Variants in RYR3 observed in about 807,000 individuals in gnomAD.
RYR3 encodes ryanodine receptor 3, also known as brain ryanodine receptor-calcium release channel.
A neutral mutation model predicts 584.3 loss-of-function variants in RYR3; 207 were observed. The observed-to-expected ratio is 0.35, with a 90% CI of 0.32 to 0.40. RYR3 has a LOEUF of 0.40. RYR3 is among the 10% of genes least tolerant of loss of function. The pLI is 1.00. For missense variants in RYR3, 5,616 were observed against 6,089.2 expected, an observed-to-expected ratio of 0.92 and a Z score of 2.59; for synonymous variants, 2,416 against 2,248.5, an observed-to-expected ratio of 1.07 and a Z score of -2.11.
chr15:33,853,821 T>G, intron 96 of RYR3, 139 bp downstream of exon 96: 1 of 1,072,690 alleles, frequency 9.3e-7, no homozygotes, highest in African/African-American at 1.6e-5. Context: ...GTTCTAACAC[T>G]GGGAGAGCAC....
chr15:33,469,291 C>T (rs746958469), intron 1 of RYR3, among the ~76,000 whole-genome samples: 4 of 152,034 alleles, frequency 2.6e-5, no homozygotes, highest in South Asian at 2.1e-4. Context: ...GGAAACCCAA[C>T]GCTACAGGGA....
intron 36 of RYR3, among the ~76,000 whole-genome samples, chr15:33,667,890 C>A (rs1035256427): frequency 6.6e-6 from 1 of 151,914 alleles, no homozygotes. Context: ...GGTGAAACCC[C>A]ATCTCTACTA....
intron 99 of RYR3, 79 bp from the exon 100 acceptor site, chr15:33,859,496 A>G (rs2080107457): frequency 6.5e-7 from 1 of 1,531,108 alleles, no homozygotes; most frequent in African/African-American, 1.4e-5. Context: ...ATCTGACCGA[A>G]TCATATGAAT....
chr15:33,819,930 C>T (rs1301295761), intron 77 of RYR3, 123 bp downstream of exon 77: 1 of 628,340 alleles, frequency 1.6e-6, no homozygotes, highest in East Asian at 3.1e-5. Context: ...AGGTTTCAGG[C>T]ATTGCACAAT....
intron 21 of RYR3, 149 bp downstream of exon 21, chr15:33,628,724 TC>T (rs34022625): frequency 0.31 from 179,577 of 574,896 alleles, 32,759 homozygotes; most frequent in Non-Finnish European, 0.38. Context: ...CAGAAGTGTC[TC>T]CCCTTTCTTA....
intron 102 of RYR3, among the ~76,000 whole-genome samples, chr15:33,861,457 T>A (rs1476926268): frequency 6.6e-6 from 1 of 150,978 alleles, no homozygotes; most frequent in Non-Finnish European, 1.5e-5. Flanking sequence ...CTACTGGACT[T>A]CTTCTATCAC....
At chr15:33,444,371 T>C (rs2046451920) in intron 1 of RYR3, among the ~76,000 whole-genome samples, 1 of 152,210 alleles carries the variant, frequency 6.6e-6, no homozygotes, top group Non-Finnish European at 1.5e-5. Context: ...CATTTATTGT[T>C]TTCAGAGAAA....
At position 33,769,094 on chromosome 15, in the gene RYR3, T is replaced by C; in HGVS notation, c.8756-18T>C. 11 of 1,601,074 alleles carry C rather than the reference T, an allele frequency of 6.9e-6. No individual in the cohort carries two copies. Among genetic ancestry groups the C allele is most frequent in the Non-Finnish European group, 9.4e-6 (11 of 1,168,168 alleles). ...CTGAGTGGTTTGAGGGAATCACAGA[T>C]GATTTTTTTTATTCCAGGTAGTGAT... On this transcript the variant is annotated intron_variant, in intron 61 of 103. Coordinates refer to ENST00000634891, the MANE Select transcript of RYR3 (RefSeq NM_001036.6).
chr15:33,575,917 A>G (rs968922962), intron 12 of RYR3, among the ~76,000 whole-genome samples: 2 of 152,192 alleles, frequency 1.3e-5, no homozygotes, highest in South Asian at 2.1e-4. Flanking sequence ...ATAAAAAATG[A>G]TAAAGGGGAT....
In RYR3 at chr15:33,628,595, G is replaced by A. The variant is rs2061115558; in HGVS notation, c.2679+20G>A. 2 of 1,502,544 alleles carry A rather than the reference G, an allele frequency of 1.3e-6. No individual in the cohort carries two copies. The highest frequency in any genetic ancestry group is 4.5e-5 in the East Asian group (2 of 44,302). 93.1% of individuals were successfully genotyped at this position (1,502,544 alleles called of 1,614,324 possible). A position where few individuals can be genotyped will look rare whatever the true frequency, so the allele number is the denominator to read the frequency against. On this transcript the variant is annotated intron_variant, in intron 21 of 103. Coordinates refer to ENST00000634891, the MANE Select transcript of RYR3 (RefSeq NM_001036.6). Reference sequence around the variant, plus strand: ...GGCAAGGTATGTGTCTCAGGGCCAGGTTAGGGTGGAGGGTGGGATTGCCTT... The same window carrying A: ...GGCAAGGTATGTGTCTCAGGGCCAGATTAGGGTGGAGGGTGGGATTGCCTT...
At chr15:33,502,902 C>G (rs2052124251) in intron 2 of RYR3, among the ~76,000 whole-genome samples, 1 of 152,122 alleles carries the variant, frequency 6.6e-6, no homozygotes. Flanking sequence ...ATGAGTTAAC[C>G]TATGCAAAGC....
intron 36 of RYR3, among the ~76,000 whole-genome samples, chr15:33,664,451 C>A (rs1266526056): frequency 6.6e-6 from 1 of 151,862 alleles, no homozygotes; most frequent in Non-Finnish European, 1.5e-5. Context: ...TTAGACCTTG[C>A]AGATGGGTTG....
At chr15:33,404,876 G>A (rs980002525) in intron 1 of RYR3, among the ~76,000 whole-genome samples, 11 of 151,930 alleles carry the variant, frequency 7.2e-5, no homozygotes, top group African/African-American at 2.7e-4. Flanking sequence ...AAGTATTTTA[G>A]GGGCTGTCTG....
At chr15:33,722,995 T>C (rs1283984013) in intron 44 of RYR3, 100 bp downstream of exon 44, 7 of 1,061,566 alleles carry the variant, frequency 6.6e-6, no homozygotes, top group African/African-American at 3.2e-5. Context: ...AAAGCACATG[T>C]TCTTAACAGT....
intron 1 of RYR3, among the ~76,000 whole-genome samples, chr15:33,420,823 T>G (rs983726776): frequency 6.6e-6 from 1 of 152,162 alleles, no homozygotes; most frequent in Non-Finnish European, 1.5e-5. Flanking sequence ...AAAAATAATC[T>G]AGATCAGAAC....
At chr15:33,836,273 T>C (rs1037292576) in intron 87 of RYR3, among the ~76,000 whole-genome samples, 1 of 151,892 alleles carries the variant, frequency 6.6e-6, no homozygotes. Flanking sequence ...CCACCTCAGA[T>C]CTTCCAAGAA....
chr15:33,788,089 G>A, intron 66 of RYR3, 129 bp from the exon 67 acceptor site: 1 of 1,151,354 alleles, frequency 8.7e-7, no homozygotes, highest in Non-Finnish European at 1.3e-6. Context: ...GGAAGATTGA[G>A]GAAGGGAACA....
rs113981471 is a variant in RYR3 at position 33,575,303 on chromosome 15, G to C, written c.1269-4673G>C. On this transcript the variant is annotated intron_variant, in intron 12 of 103. Coordinates refer to ENST00000634891, the MANE Select transcript of RYR3 (RefSeq NM_001036.6). ...GATAAATGTCTACATAACTCTCCAC[G>C]CAAAAACAACAGAATATACATTCTT... 3.9e-3 allele frequency among the ~76,000 whole-genome samples: 595 copies of C among 152,182 alleles called. 4 individuals carry two copies. The highest frequency in any genetic ancestry group is 0.014 in the African/African-American group (564 of 41,538).
intron 1 of RYR3, among the ~76,000 whole-genome samples, chr15:33,425,867 C>T (rs1283955120): frequency 3.9e-5 from 6 of 152,232 alleles, no homozygotes; most frequent in East Asian, 3.9e-4. Flanking sequence ...TGGTCTCAAT[C>T]TCCTGACCTC....
Sources: allele counts gnomAD v4.1 joint callset (sites outside exome capture counted in the v4.1 genomes callset), GRCh38; gene constraint gnomAD v4.1.1; transcripts MANE v1.5; gene names NCBI Gene and HGNC (gene_info 2026-07-23, HGNC 2026-07-21).